The following CCDC186 variants were observed in gnomAD, a reference collection of about 807,000 sequenced individuals.
CCDC186 encodes coiled-coil domain-containing protein 186.
In CCDC186, 49 loss-of-function variants were observed where a neutral mutation model predicts 113.7. The ratio of observed to expected loss-of-function variants is 0.43; its 90% confidence interval spans 0.34 to 0.55. The LOEUF is 0.55. Among genes scored for constraint, CCDC186 ranks in the 20% least tolerant of loss-of-function variants. The probability of loss-of-function intolerance (pLI) is 0.02; values close to 1 mark genes in which losing one functional copy is unlikely to be tolerated. For missense variants in CCDC186, 890 were observed against 1,011.1 expected, an observed-to-expected ratio of 0.88 and a Z score of 1.62; for synonymous variants, 355 against 345.8, an observed-to-expected ratio of 1.03 and a Z score of -0.30.
chr10:114,129,470 A>G (rs1424485072), intron 13 of CCDC186, among the ~76,000 whole-genome samples: 4 of 152,208 alleles, frequency 2.6e-5, no homozygotes, highest in Non-Finnish European at 4.4e-5. Context: ...AATTATATAT[A>G]ACCACAATTT....
intron 1 of CCDC186, chr10:114,165,938 C>T (rs1355194908): frequency 1.3e-5 from 13 of 982,720 alleles, no homozygotes; most frequent in African/African-American, 3.6e-5. Context: ...TTCAACTTTT[C>T]TTCAGAGAAA....
intron 6 of CCDC186, among the ~76,000 whole-genome samples, chr10:114,141,109 G>T (rs2031452828): frequency 6.6e-6 from 1 of 151,800 alleles, no homozygotes; most frequent in East Asian, 1.9e-4. Flanking sequence ...TGCCCAGGCT[G>T]GTCTCAAACT....
chr10:114,125,082 A>G lies in CCDC186; in HGVS notation c.*61T>C, dbSNP rs2030845837. On this transcript the variant is annotated 3_prime_UTR_variant, in exon 16 of 16. Transcript: ENST00000369287. ...AAAGTGGAACAAAGTCTCCAACAAT[A>G]GAGGTCAGTGGCACCTACTCCTGTG... 5.9e-6 allele frequency: 7 copies of G among 1,195,694 alleles called. No homozygotes were observed. Among genetic ancestry groups the G allele is most frequent in the Non-Finnish European group, 8.4e-6 (7 of 837,308 alleles). The allele number at this position is 1,195,694 out of a possible 1,614,324, so 74.1% of individuals were successfully genotyped here.
At chr10:114,132,829 T>A (rs2031130769) in intron 10 of CCDC186, among the ~76,000 whole-genome samples, 3 of 152,188 alleles carry the variant, frequency 2.0e-5, no homozygotes, top group Admixed American at 2.0e-4. Flanking sequence ...TCCTAACAGA[T>A]GTTCAATATT....
chr10:114,140,301 A>G (rs181486606), intron 6 of CCDC186, among the ~76,000 whole-genome samples: 3 of 152,330 alleles, frequency 2.0e-5, no homozygotes, highest in Admixed American at 2.0e-4. Flanking sequence ...GTACAGACTA[A>G]AAAGACATGA....
intron 9 of CCDC186, among the ~76,000 whole-genome samples, chr10:114,135,470 T>C (rs1350934162): frequency 6.6e-6 from 1 of 152,186 alleles, no homozygotes; most frequent in Non-Finnish European, 1.5e-5. Flanking sequence ...CAATAAAGAC[T>C]ATAAACACGA....
chr10:114,165,805 G>A (rs1156345134), intron 1 of CCDC186: 1 of 763,020 alleles, frequency 1.3e-6, no homozygotes, highest in Admixed American at 7.0e-5. Flanking sequence ...CCAAGATCGT[G>A]CCATTGCACT....
intron 1 of CCDC186, among the ~76,000 whole-genome samples, chr10:114,171,183 G>A (rs1564921782): frequency 6.6e-6 from 1 of 151,916 alleles, no homozygotes; most frequent in Non-Finnish European, 1.5e-5. Flanking sequence ...CTCCAAATCT[G>A]AAAAGGAATA....
chr10:114,126,355 CTTTT>C (rs2030900619), intron 14 of CCDC186, among the ~76,000 whole-genome samples: 1 of 152,008 alleles, frequency 6.6e-6, no homozygotes, highest in Non-Finnish European at 1.5e-5. Flanking sequence ...AAAAGTTGAG[CTTTT>C]TTGTTTGTTT....
rs185748690 is a variant in CCDC186 at position 114,133,787 on chromosome 10, G to A, written c.1655+1126C>T. Reference sequence around the variant, plus strand: ...AAAATGTTGGGGTAAAAGCTAGAATGAAGTGGAGAGGTACAGAACATAGGA... The same window carrying A: ...AAAATGTTGGGGTAAAAGCTAGAATAAAGTGGAGAGGTACAGAACATAGGA... On this transcript the variant is annotated intron_variant, in intron 10 of 15. Transcript: ENST00000369287. Among the ~76,000 whole-genome samples, 94 of 152,326 alleles carry A rather than the reference G, an allele frequency of 6.2e-4. 1 individual carries two copies. Among genetic ancestry groups the A allele is most frequent in the Admixed American group, 1.9e-3 (29 of 15,298 alleles).
chr10:114,152,462 T>C (rs564598174), intron 3 of CCDC186, among the ~76,000 whole-genome samples: 2 of 152,186 alleles, frequency 1.3e-5, no homozygotes, highest in South Asian at 2.1e-4. Flanking sequence ...ACTTAGGATC[T>C]TGGAATAAAT....
intron 4 of CCDC186, among the ~76,000 whole-genome samples, chr10:114,149,864 G>A (rs1690690823): frequency 6.6e-6 from 1 of 151,738 alleles, no homozygotes; most frequent in Admixed American, 6.6e-5. Flanking sequence ...CAGGAAGGCA[G>A]GCAGGCAGGC....
chr10:114,130,089 A>T, intron 12 of CCDC186, 118 bp from the exon 13 acceptor site: 3 of 772,562 alleles, frequency 3.9e-6, no homozygotes, highest in Non-Finnish European at 4.3e-6. Context: ...AAAGTTCTTG[A>T]ATACATACTT....
intron 3 of CCDC186, among the ~76,000 whole-genome samples, chr10:114,151,517 T>C (rs2031856007): frequency 6.6e-6 from 1 of 152,150 alleles, no homozygotes; most frequent in African/African-American, 2.4e-5. Context: ...TTCAGCAACC[T>C]TCAGTCACCC....
intron 2 of CCDC186, among the ~76,000 whole-genome samples, chr10:114,160,897 C>G (rs1408312746): frequency 2.0e-4 from 31 of 152,168 alleles, no homozygotes; most frequent in Non-Finnish European, 2.4e-4. Context: ...TTTAAAATAA[C>G]ATCTGACATT....
Position 114,125,928 on chromosome 10 carries a change from C to T in CCDC186, c.2571G>A (p.Gln857=). Reference sequence around the variant, plus strand: ...TTAGTAACGTATCCTCCAAAACAGCCTGTAATTTTCGGTTGATTTCCAAAG... The same window carrying T: ...TTAGTAACGTATCCTCCAAAACAGCTTGTAATTTTCGGTTGATTTCCAAAG... The part of the protein sequence containing the change: ...ELSLEINRKL[Q]AVLEDTLLKN... The change falls in exon 15 of 16, where the codon CAG becomes CAA. Residue 857 remains glutamine (Q), a synonymous_variant. Transcript: ENST00000369287. 6.2e-7 allele frequency: 1 copy of T among 1,613,950 alleles called. No individual in the cohort carries two copies. Among genetic ancestry groups the T allele is most frequent in the Non-Finnish European group, 8.5e-7 (1 of 1,179,916 alleles).
At chr10:114,153,191 A>G (rs546114776) in intron 3 of CCDC186, among the ~76,000 whole-genome samples, 84 of 152,350 alleles carry the variant, frequency 5.5e-4, no homozygotes, top group African/African-American at 1.9e-3. Context: ...GGAATATTCC[A>G]TGACAGAGGA....
intron 1 of CCDC186, among the ~76,000 whole-genome samples, chr10:114,172,132 T>A (rs888540685): frequency 6.7e-6 from 1 of 148,162 alleles, no homozygotes; most frequent in African/African-American, 2.5e-5. Flanking sequence ...TAAGTTTTAC[T>A]AAAAGAAAAA....
intron 6 of CCDC186, among the ~76,000 whole-genome samples, chr10:114,139,901 A>G (rs1213162952): frequency 6.6e-6 from 1 of 152,218 alleles, no homozygotes; most frequent in Non-Finnish European, 1.5e-5. Context: ...AAAAAATAGC[A>G]ATTGAGAGAT....
Sources: gnomAD v4.1 joint callset for allele counts (sites outside exome capture counted in the v4.1 genomes callset) on GRCh38, gnomAD v4.1.1 for gene constraint, MANE v1.5 for transcripts, NCBI Gene and HGNC (gene_info 2026-07-23, HGNC 2026-07-21) for gene names.